The following ST6GAL1 variants were observed in gnomAD, a reference collection of about 807,000 sequenced individuals.
ST6GAL1 encodes ST6 beta-galactoside alpha-2,6-sialyltransferase 1.
A neutral mutation model predicts 38.0 loss-of-function variants in ST6GAL1; 20 were observed. The ratio of observed to expected loss-of-function variants is 0.53; its 90% CI spans 0.37 to 0.77. The LOEUF (loss-of-function observed/expected upper bound fraction) is 0.77. Among genes scored for constraint, ST6GAL1 ranks in the 30% least tolerant of loss-of-function variants. The pLI is 0.00. For missense variants in ST6GAL1, 432 were observed against 496.4 expected (o/e 0.87, Z 1.23); for synonymous variants, 196 against 188.2 (o/e 1.04, Z -0.34).
chr3:186,941,967 A>G (rs1226250709), intron 1 of ST6GAL1, among the ~76,000 whole-genome samples: 1 of 151,784 alleles, frequency 6.6e-6, no homozygotes, highest in Non-Finnish European at 1.5e-5. Context: ...AGCCGAGATC[A>G]TGCCACTGCA....
At chr3:186,954,062 A>G (rs180839751) in intron 1 of ST6GAL1, among the ~76,000 whole-genome samples, 5 of 152,202 alleles carry the variant, frequency 3.3e-5, no homozygotes, top group Admixed American at 6.5e-5. Context: ...GCTCCCACTT[A>G]TAAGTGAGAA....
In ST6GAL1 at chr3:187,075,981, C is replaced by A; in HGVS notation, c.*178C>A. 1.1e-6 allele frequency: 1 copy of A among 918,582 alleles called. No homozygotes were observed. The highest frequency in any genetic ancestry group is 1.6e-6 in the Non-Finnish European group (1 of 630,244). The allele number at this position is 918,582 out of a possible 1,614,324, so 56.9% of individuals were successfully genotyped here. A position where few individuals can be genotyped will look rare whatever the true frequency, so the allele number is the denominator to read the frequency against. On this transcript the variant is annotated 3_prime_UTR_variant, in exon 8 of 8. Transcript: ENST00000169298. This position sits in a 1 kb window ranked among gnomAD's most constrained non-coding sequence, Gnocchi z 4.1. ...GGTCAGGAAATCAGGTCCAGCCTTC[C>A]CTGTAGCCAGACAGTTTATGAGCCC...
intron 2 of ST6GAL1, among the ~76,000 whole-genome samples, chr3:187,011,219 G>C (rs1716946159): frequency 6.6e-6 from 1 of 152,028 alleles, no homozygotes; most frequent in Non-Finnish European, 1.5e-5. Flanking sequence ...GGCCGGTCTC[G>C]AACTACTGAC....
intron 3 of ST6GAL1, among the ~76,000 whole-genome samples, chr3:187,042,291 T>A (rs1449498185): frequency 2.0e-5 from 3 of 152,148 alleles, no homozygotes. Flanking sequence ...ATTTGCAAGA[T>A]GTGGTTTCTG....
chr3:187,006,139 C>G (rs1437567416), intron 2 of ST6GAL1: 1 of 152,210 alleles, frequency 6.6e-6, no homozygotes, highest in African/African-American at 2.4e-5. Flanking sequence ...ATCTGTGTTT[C>G]AGGGAACCAT....
Position 186,936,982 on chromosome 3 carries a change from G to A in ST6GAL1, c.-325+6148G>A, listed in dbSNP as rs149948814. On this transcript the variant is annotated intron_variant, in intron 1 of 7. Transcript: ENST00000169298. ...AAAAAAGAAAAAGCTTGACCATTGA[G>A]GATAATTTGGAAAGTACTGTACAAA... Among the ~76,000 whole-genome samples the A allele has an allele frequency of 1.3e-3, 189 of 148,734 alleles. 1 individual carries two copies. The highest frequency in any genetic ancestry group is 4.2e-3 in the African/African-American group (172 of 40,778).
intron 2 of ST6GAL1, among the ~76,000 whole-genome samples, chr3:187,037,177 ATCC>A (rs1357792237): frequency 6.6e-6 from 1 of 152,196 alleles, no homozygotes; most frequent in African/African-American, 2.4e-5. Context: ...AATTTATATG[ATCC>A]TTTGAATATA....
At chr3:186,949,462 CG>C (rs1714503236) in intron 1 of ST6GAL1, among the ~76,000 whole-genome samples, 1 of 152,114 alleles carries the variant, frequency 6.6e-6, no homozygotes, top group Admixed American at 6.6e-5. Context: ...GGGCTTGTGA[CG>C]GCTCCTTTTT....
intron 1 of ST6GAL1, among the ~76,000 whole-genome samples, chr3:186,947,063 G>A (rs546894396): frequency 3.9e-5 from 6 of 152,300 alleles, no homozygotes; most frequent in East Asian, 1.9e-4. Context: ...ATGAAGGGGC[G>A]TTGGCATGTC....
At chr3:186,947,296 A>G (rs1714403169) in intron 1 of ST6GAL1, among the ~76,000 whole-genome samples, 1 of 152,192 alleles carries the variant, frequency 6.6e-6, no homozygotes, top group Non-Finnish European at 1.5e-5. Flanking sequence ...AGCAGCACAT[A>G]CACGAAAAGT....
chr3:187,009,121 C>T (rs1716876132), intron 2 of ST6GAL1, among the ~76,000 whole-genome samples: 1 of 110,404 alleles, frequency 9.1e-6, no homozygotes, highest in African/African-American at 3.5e-5. Flanking sequence ...CCTCTTTCTT[C>T]CTCCCTTTTT....
Position 187,076,239 on chromosome 3 carries a change from T to A in ST6GAL1, c.*436T>A. Reference sequence around the variant, plus strand: ...TTAAAGAAATTCTCTTAAATTACAATTGTGCCCAATGCAGGGTGGCTCTGG... The same window carrying A: ...TTAAAGAAATTCTCTTAAATTACAAATGTGCCCAATGCAGGGTGGCTCTGG... On this transcript the variant is annotated 3_prime_UTR_variant, in exon 8 of 8. Transcript: ENST00000169298. The A allele has an allele frequency of 5.7e-6, 1 of 176,926 alleles. No homozygotes were observed. The highest frequency in any genetic ancestry group is 2.4e-5 in the African/African-American group (1 of 42,100). 11.0% of individuals were successfully genotyped at this position (176,926 alleles called of 1,614,324 possible). A position where few individuals can be genotyped will look rare whatever the true frequency, so the allele number is the denominator to read the frequency against.
chr3:186,980,810 T>C (rs1715674672), intron 2 of ST6GAL1, among the ~76,000 whole-genome samples: 1 of 151,360 alleles, frequency 6.6e-6, no homozygotes, highest in Non-Finnish European at 1.5e-5. Context: ...AAATAGATTC[T>C]GGATCAATGA....
chr3:186,978,426 C>G (rs555010989), intron 2 of ST6GAL1, among the ~76,000 whole-genome samples: 7 of 152,258 alleles, frequency 4.6e-5, no homozygotes, highest in African/African-American at 1.7e-4. Context: ...ACTCCTCTCT[C>G]TCCACGTTAC....
intron 2 of ST6GAL1, among the ~76,000 whole-genome samples, chr3:187,030,416 C>G (rs74820792): frequency 7.2e-5 from 11 of 152,098 alleles, no homozygotes; most frequent in Non-Finnish European, 1.5e-4. Context: ...GCTTAAAACA[C>G]TGGGTTTATA....
chr3:186,979,070 TCAGCAG>T (rs2108536302), intron 2 of ST6GAL1, among the ~76,000 whole-genome samples: 1 of 152,240 alleles, frequency 6.6e-6, no homozygotes, highest in African/African-American at 2.4e-5. Flanking sequence ...CTCTAAGACC[TCAGCAG>T]CAGGAGCTGG....
At chr3:187,047,106 T>C (rs1325338358) in intron 4 of ST6GAL1, among the ~76,000 whole-genome samples, 1 of 152,096 alleles carries the variant, frequency 6.6e-6, no homozygotes, top group African/African-American at 2.4e-5. Context: ...CCACCACGCC[T>C]GGCTAATTTT....
chr3:186,953,330 T>C (rs1475191186), intron 1 of ST6GAL1, among the ~76,000 whole-genome samples: 1 of 152,190 alleles, frequency 6.6e-6, no homozygotes, highest in African/African-American at 2.4e-5. Flanking sequence ...TTCACCTCAC[T>C]GAGCCTACTC....
chr3:187,078,446 G>A lies in ST6GAL1; in HGVS notation c.*2643G>A, dbSNP rs1247349143. 6.6e-6 allele frequency: 1 copy of A among 152,146 alleles called. No individual in the cohort carries two copies. Among genetic ancestry groups the A allele is most frequent in the Non-Finnish European group, 1.5e-5 (1 of 68,018 alleles). The allele number at this position is 152,146 out of a possible 1,614,324, so 9.4% of individuals were successfully genotyped here. A position where few individuals can be genotyped will look rare whatever the true frequency, so the allele number is the denominator to read the frequency against. The stretch of plus-strand genomic sequence containing the variant: ...CCTTCCACCAATCAAATAAGCTATT[G>A]CTATTGGTTTGGAGTTGAGATATCA... On this transcript the variant is annotated 3_prime_UTR_variant, in exon 8 of 8. Coordinates refer to ENST00000169298, the MANE Select transcript of ST6GAL1 (RefSeq NM_173216.2).
Sources: gnomAD v4.1 joint callset for allele counts (sites outside exome capture counted in the v4.1 genomes callset) on GRCh38, gnomAD v4.1.1 for gene constraint, Gnocchi (gnomAD v3.1) non-coding constraint, MANE v1.5 for transcripts, NCBI Gene and HGNC (gene_info 2026-07-23, HGNC 2026-07-21) for gene names.